UMAD1: variants seen among roughly 807,000 people sequenced by gnomAD.
UMAD1 encodes the protein UBAP1-MVB12-associated (UMA)-domain containing protein 1.
Under a neutral mutation model 6.1 loss-of-function variants are expected in UMAD1, and 8 were observed. The ratio of observed to expected loss-of-function variants is 1.30; its 90% CI spans 0.76 to 2.35. The LOEUF (loss-of-function observed/expected upper bound fraction) is 2.35. UMAD1 is among the 30% of genes most tolerant of loss of function. The probability of loss-of-function intolerance (pLI) is 0.00; values close to 1 mark genes in which losing one functional copy is unlikely to be tolerated. For missense variants in UMAD1, 130 were observed against 78.4 expected, an observed-to-expected ratio of 1.66 and a Z score of -2.49; for synonymous variants, 56 against 31.4, an observed-to-expected ratio of 1.78 and a Z score of -2.61.
chr7:7,697,776 A>G (rs187487215), intron 2 of UMAD1, among the ~76,000 whole-genome samples: 2 of 152,254 alleles, frequency 1.3e-5, no homozygotes, highest in African/African-American at 2.4e-5. Context: ...TTTCCTTGTC[A>G]TTATGCCTCT....
At chr7:7,799,705 G>A (rs1782760811) in intron 2 of UMAD1, among the ~76,000 whole-genome samples, 1 of 152,086 alleles carries the variant, frequency 6.6e-6, no homozygotes, top group African/African-American at 2.4e-5. Flanking sequence ...AGGTTCCTGT[G>A]GTCTCATGCC....
At chr7:7,675,098 C>G (rs1208751067) in intron 2 of UMAD1, among the ~76,000 whole-genome samples, 1 of 152,150 alleles carries the variant, frequency 6.6e-6, no homozygotes, top group Non-Finnish European at 1.5e-5. Flanking sequence ...CTCCTGGCCT[C>G]AAGCAATCTT....
intron 3 of UMAD1, among the ~76,000 whole-genome samples, chr7:7,861,056 A>G (rs1332065562): frequency 1.3e-5 from 2 of 152,132 alleles, no homozygotes; most frequent in Non-Finnish European, 2.9e-5. Flanking sequence ...AGGCAAATAT[A>G]TAGAGACAAA....
intron 2 of UMAD1, among the ~76,000 whole-genome samples, chr7:7,723,840 A>G (rs1781092786): frequency 6.6e-6 from 1 of 152,194 alleles, no homozygotes; most frequent in Admixed American, 6.5e-5. Flanking sequence ...TGACTCGTGT[A>G]GAGCTCTGCC....
intron 1 of UMAD1, among the ~76,000 whole-genome samples, chr7:7,671,670 T>C (rs28915995): frequency 0.014 from 2,060 of 152,256 alleles, 22 homozygotes; most frequent in Non-Finnish European, 0.022. Context: ...CTTTATCTTA[T>C]TCAGTTACTT....
At chr7:7,741,975 C>A (rs1781478372) in intron 2 of UMAD1, 1 of 268,928 alleles carries the variant, frequency 3.7e-6, no homozygotes, top group South Asian at 4.3e-5. Flanking sequence ...TATTTCTTAC[C>A]AACTGCCTCT....
At chr7:7,706,160 T>C (rs533346260) in intron 2 of UMAD1, among the ~76,000 whole-genome samples, 2 of 152,150 alleles carry the variant, frequency 1.3e-5, no homozygotes, top group Non-Finnish European at 2.9e-5. Flanking sequence ...TGTTGACTGA[T>C]TTGGGGAAGA....
intron 2 of UMAD1, among the ~76,000 whole-genome samples, chr7:7,700,232 T>C (rs1454959512): frequency 6.6e-6 from 1 of 152,142 alleles, no homozygotes; most frequent in African/African-American, 2.4e-5. Context: ...TTCTCCCTGC[T>C]CCCCACATGT....
intron 2 of UMAD1, among the ~76,000 whole-genome samples, chr7:7,695,991 T>C (rs902132437): frequency 1.3e-5 from 2 of 151,626 alleles, no homozygotes; most frequent in African/African-American, 4.8e-5. Context: ...GTTTTTTTTT[T>C]TTTTTTCTGA....
chr7:7,718,646 T>C (rs1333039605), intron 2 of UMAD1: 1 of 152,224 alleles, frequency 6.6e-6, no homozygotes, highest in Non-Finnish European at 1.5e-5. Flanking sequence ...TTTTTTCTTT[T>C]ATTTTAAAGT....
intron 2 of UMAD1, among the ~76,000 whole-genome samples, chr7:7,729,075 C>T (rs1006841129): frequency 2.0e-5 from 3 of 152,140 alleles, no homozygotes; most frequent in African/African-American, 4.8e-5. Flanking sequence ...GTATTTGTGT[C>T]GGAAATGGAA....
intron 2 of UMAD1, among the ~76,000 whole-genome samples, chr7:7,790,166 A>G (rs1429433895): frequency 6.6e-6 from 1 of 152,152 alleles, no homozygotes; most frequent in Non-Finnish European, 1.5e-5. Context: ...AATATCTGGG[A>G]TATTTTGATT....
chr7:7,765,544 A>G (rs1188277361), intron 2 of UMAD1, among the ~76,000 whole-genome samples: 2 of 152,152 alleles, frequency 1.3e-5, no homozygotes, highest in Non-Finnish European at 2.9e-5. Flanking sequence ...TGTTTAGGTC[A>G]TTGACTTTGT....
intron 2 of UMAD1, among the ~76,000 whole-genome samples, chr7:7,768,435 A>G (rs1164804935): frequency 6.6e-6 from 1 of 152,076 alleles, no homozygotes. Flanking sequence ...TGAACTCCAC[A>G]CACTGTTCTC....
At chr7:7,667,234 G>C (rs993442861) in intron 1 of UMAD1, among the ~76,000 whole-genome samples, 3 of 152,178 alleles carry the variant, frequency 2.0e-5, no homozygotes, top group African/African-American at 7.2e-5. Flanking sequence ...ATGGGTTTTT[G>C]AGAATAAAAT....
At chr7:7,702,339 T>G (rs1780480746) in intron 2 of UMAD1, among the ~76,000 whole-genome samples, 1 of 152,188 alleles carries the variant, frequency 6.6e-6, no homozygotes, top group Non-Finnish European at 1.5e-5. Context: ...TAAGGAAAGA[T>G]GAGACTATAT....
At chr7:7,811,105 C>T (rs1303372653) in intron 3 of UMAD1, among the ~76,000 whole-genome samples, 1 of 152,106 alleles carries the variant, frequency 6.6e-6, no homozygotes, top group Admixed American at 6.6e-5. Flanking sequence ...GGGTTACTGG[C>T]TTGGACACAT....
chr7:7,720,361 C>G (rs932828311), intron 2 of UMAD1, among the ~76,000 whole-genome samples: 1 of 152,130 alleles, frequency 6.6e-6, no homozygotes, highest in African/African-American at 2.4e-5. Context: ...GCGAATAACC[C>G]TGGGCCTCTT....
At chr7:7,731,035 G>A (rs1052937799) in intron 2 of UMAD1, among the ~76,000 whole-genome samples, 9 of 152,192 alleles carry the variant, frequency 5.9e-5, no homozygotes, top group Non-Finnish European at 8.8e-5. Context: ...GTCTTGCTCT[G>A]TCACCAGGCT....
Sources: gnomAD v4.1 joint callset for allele counts (sites outside exome capture counted in the v4.1 genomes callset) on GRCh38, gnomAD v4.1.1 for gene constraint, MANE v1.5 for transcripts, NCBI Gene and HGNC (gene_info 2026-07-23, HGNC 2026-07-21) for gene names.